The following HNRNPA1 variants were observed in gnomAD, a reference collection of about 807,000 sequenced individuals.
HNRNPA1 encodes the protein heterogeneous nuclear ribonucleoprotein A1.
In HNRNPA1, 7 loss-of-function variants were observed where a neutral mutation model predicts 44.4. The observed-to-expected ratio is 0.16, with a 90% CI of 0.09 to 0.30. The LOEUF is 0.30. Ranked by LOEUF, HNRNPA1 falls within the 10% of genes least tolerant of loss-of-function variation. The pLI is 1.00. For synonymous variants in HNRNPA1, 169 were observed against 160.6 expected, an observed-to-expected ratio of 1.05 and a Z score of -0.40; for missense variants, 193 against 465.8, an observed-to-expected ratio of 0.41 and a Z score of 5.39.
rs553245483 is a variant in HNRNPA1 at position 54,282,312 on chromosome 12, A to G, written c.490+12A>G. 6.2e-5 allele frequency: 100 copies of G among 1,613,626 alleles called. 1 individual carries two copies. In the South Asian group the frequency reaches 9.9e-4, roughly 16 times the overall value. On this transcript the variant is annotated intron_variant, in intron 4 of 10. Coordinates refer to ENST00000340913, the MANE Select transcript of HNRNPA1 (RefSeq NM_031157.4). ...GGATAAGATTGTCAGTAAGTATCAG[A>G]TAGTGGCATTTAGTAAGGGTTCCAC... is the stretch of plus-strand genomic sequence containing the variant.
At chr12:54,282,541 A>G in intron 5 of HNRNPA1, 32 bp from the exon 6 acceptor site, 1 of 1,610,804 alleles carries the variant, frequency 6.2e-7, no homozygotes, top group South Asian at 1.1e-5. Flanking sequence ...CTCCAGTATG[A>G]ATGATTTAAT....
chr12:54,282,767 G>C (rs1448352834), intron 6 of HNRNPA1, 33 bp from the exon 7 acceptor site: 22 of 1,569,368 alleles, frequency 1.4e-5, no homozygotes, highest in Admixed American at 1.9e-5. Flanking sequence ...TTAAGTCCAA[G>C]TCATACTTAA....
rs746642933 is a variant in HNRNPA1, at chr12:54,281,510, T to G, written c.132+8T>G. Reference sequence around the variant, plus strand: ...ACGCTCACGGACTGTGTGGTAAGATTTGGAAGGGACAAAGCAGTAAAACAG... The same window carrying G: ...ACGCTCACGGACTGTGTGGTAAGATGTGGAAGGGACAAAGCAGTAAAACAG... On this transcript the variant is annotated splice_region_variant and intron_variant, in intron 2 of 10. Transcript: ENST00000340913. The G allele has an allele frequency of 6.3e-7, 1 of 1,584,630 alleles. No individual in the cohort carries two copies. Among genetic ancestry groups the G allele is most frequent in the Non-Finnish European group, 8.7e-7 (1 of 1,155,798 alleles).
In HNRNPA1 at chr12:54,282,381, G is replaced by GTT. The variant is rs202119045; in HGVS notation, c.491-4_491-3dup. On this transcript the variant is annotated splice_polypyrimidine_tract_variant and intron_variant, in intron 4 of 10. Coordinates refer to ENST00000340913, the MANE Select transcript of HNRNPA1 (RefSeq NM_031157.4). Reference sequence around the variant, plus strand: ...AACCCTGATACCATGTTGTATCTATGTTTTTTTTTTAGTTCAGAAATACCA... The same window carrying GTT: ...AACCCTGATACCATGTTGTATCTATGTTTTTTTTTTTTAGTTCAGAAATACCA... 2.1e-6 allele frequency: 3 copies of GTT among 1,441,082 alleles called. No individual in the cohort carries two copies. Among genetic ancestry groups the GTT allele is most frequent in the Non-Finnish European group, 2.9e-6 (3 of 1,045,402 alleles). The allele number at this position is 1,441,082 out of a possible 1,614,324, so 89.3% of individuals were successfully genotyped here. A position where few individuals can be genotyped will look rare whatever the true frequency, so the allele number is the denominator to read the frequency against.
Position 54,280,829 on chromosome 12 carries a change from T to C in HNRNPA1, c.15+7T>C, listed in dbSNP as rs540688152. 1.7e-4 allele frequency: 271 copies of C among 1,614,190 alleles called. 4 individuals carry two copies. The South Asian group carries it at 2.5e-3, about 15-fold the overall frequency. On this transcript the variant is annotated splice_region_variant and intron_variant, in intron 1 of 10. Transcript: ENST00000340913. ...CGTCATGTCTAAGTCAGAGGTGAGTTAGGCGCGCTTTCCCACTTGAATTTT... is the reference window on the plus strand; with the variant it reads ...CGTCATGTCTAAGTCAGAGGTGAGTCAGGCGCGCTTTCCCACTTGAATTTT...
chr12:54,283,316 T>G (rs1944209037), intron 8 of HNRNPA1, 82 bp downstream of exon 8: 2 of 1,467,780 alleles, frequency 1.4e-6, no homozygotes, highest in Admixed American at 3.9e-5. Flanking sequence ...GTTGAAGCAT[T>G]GTGTGGTACA....
rs1944269011 is a variant in HNRNPA1 at position 54,286,760 on chromosome 12, A to G, written c.*2216A>G. ...AAGTTTTTACAAATTAGTGCTCAGC[A>G]AAAGAATGCCCTGCGTTCCCAAAGT... On this transcript the variant is annotated 3_prime_UTR_variant, in exon 11 of 11. Coordinates refer to ENST00000340913, the MANE Select transcript of HNRNPA1 (RefSeq NM_031157.4). 4 of 152,234 alleles carry G rather than the reference A, an allele frequency of 2.6e-5. No homozygotes were observed. In the South Asian group the frequency reaches 8.3e-4, roughly 31 times the overall value. The allele number at this position is 152,234 out of a possible 1,614,324, so 9.4% of individuals were successfully genotyped here. A position where few individuals can be genotyped will look rare whatever the true frequency, so the allele number is the denominator to read the frequency against.
At chr12:54,281,055 A>C (rs574115669) in intron 1 of HNRNPA1, 1 of 706,270 alleles carries the variant, frequency 1.4e-6, no homozygotes, top group South Asian at 1.5e-5. Flanking sequence ...CAAAATTCTT[A>C]GGCACACAGG....
At chr12:54,282,025 TTA>T in intron 3 of HNRNPA1, 63 bp from the exon 4 acceptor site, 5 of 1,599,164 alleles carry the variant, frequency 3.1e-6, no homozygotes, top group Non-Finnish European at 4.3e-6. Context: ...TTTTCTAAAC[TTA>T]CCAAAATTTT....
At position 54,281,519 on chromosome 12, in the gene HNRNPA1, A is replaced by G; in HGVS notation, c.132+17A>G. The G allele has an allele frequency of 1.3e-6, 2 of 1,556,942 alleles. No homozygotes were observed. Among genetic ancestry groups the G allele is most frequent in the Non-Finnish European group, 1.8e-6 (2 of 1,131,810 alleles). On this transcript the variant is annotated intron_variant, in intron 2 of 10. Coordinates refer to ENST00000340913, the MANE Select transcript of HNRNPA1 (RefSeq NM_031157.4). Reference sequence around the variant, plus strand: ...GACTGTGTGGTAAGATTTGGAAGGGACAAAGCAGTAAAACAGCCGATTTCC... The same window carrying G: ...GACTGTGTGGTAAGATTTGGAAGGGGCAAAGCAGTAAAACAGCCGATTTCC...
In HNRNPA1 at chr12:54,280,768, C is replaced by T. The variant is rs780305581; in HGVS notation, c.-40C>T. The T allele has an allele frequency of 4.3e-6, 7 of 1,613,918 alleles. No homozygotes were observed. Among genetic ancestry groups the T allele is most frequent in the South Asian group, 2.2e-5 (2 of 91,074 alleles). ...TGCTCCTTTCTGCCCGTGGACGCCG[C>T]CGAAGAAGCATCGTTAAAGTCTCTC... On this transcript the variant is annotated 5_prime_UTR_variant, in exon 1 of 11. Coordinates refer to ENST00000340913, the MANE Select transcript of HNRNPA1 (RefSeq NM_031157.4).
At chr12:54,284,134 C>A in intron 9 of HNRNPA1, 124 bp from the exon 10 acceptor site, 1 of 1,248,198 alleles carries the variant, frequency 8.0e-7, no homozygotes, top group Non-Finnish European at 1.1e-6. Flanking sequence ...ACCTCTTTAC[C>A]ACCTCCCTTG....
chr12:54,282,110 C>T lies in HNRNPA1; in HGVS notation c.300C>T (p.Ala100=), dbSNP rs554073873. ...ATTAGGATTCTCAAAGACCAGGTGCCCACTTAACTGTGAAAAAGATATTTG... is the reference window on the plus strand; with the variant it reads ...ATTAGGATTCTCAAAGACCAGGTGCTCACTTAACTGTGAAAAAGATATTTG... ...VSREDSQRPG[A]HLTVKKIFVG... Residue 100 remains alanine, a synonymous_variant, in exon 4 of 11, where the codon GCC becomes GCT. Coordinates refer to ENST00000340913, the MANE Select transcript of HNRNPA1 (RefSeq NM_031157.4). 20 of 1,609,818 alleles carry T rather than the reference C, an allele frequency of 1.2e-5. No homozygotes were observed. The highest frequency in any genetic ancestry group is 8.9e-5 in the East Asian group (4 of 44,858).
At chr12:54,282,745 C>T in intron 6 of HNRNPA1, 55 bp from the exon 7 acceptor site, 2 of 1,585,844 alleles carry the variant, frequency 1.3e-6, no homozygotes, top group Non-Finnish European at 1.7e-6. Context: ...GAACTGCATT[C>T]AGAATGTCAC....
rs1200778926 is a variant in HNRNPA1 at position 54,280,738 on chromosome 12, C to A, written c.-70C>A. On this transcript the variant is annotated 5_prime_UTR_variant, in exon 1 of 11. Coordinates refer to ENST00000340913, the MANE Select transcript of HNRNPA1 (RefSeq NM_031157.4). ...AAGGTAGGCTGGCAGATACGTTCGT[C>A]AGCTTGCTCCTTTCTGCCCGTGGAC... 7 of 1,586,840 alleles carry A rather than the reference C, an allele frequency of 4.4e-6. No individual in the cohort carries two copies. The Admixed American group carries it at 5.0e-5, about 11-fold the overall frequency.
In HNRNPA1 at chr12:54,284,728, A is replaced by G; in HGVS notation, c.*184A>G. ...AACTCGAGGACTGTATTTGTGACTA[A>G]TTGTATAACAGGTTATTTTAGTTTC... is the stretch of plus-strand genomic sequence containing the variant. On this transcript the variant is annotated 3_prime_UTR_variant, in exon 11 of 11. Coordinates refer to ENST00000340913, the MANE Select transcript of HNRNPA1 (RefSeq NM_031157.4). 1 of 430,824 alleles carries G rather than the reference A, an allele frequency of 2.3e-6. No individual in the cohort carries two copies. Among genetic ancestry groups the G allele is most frequent in the East Asian group, 6.2e-5 (1 of 16,036 alleles). 26.7% of individuals were successfully genotyped at this position (430,824 alleles called of 1,614,324 possible).
In HNRNPA1 at chr12:54,281,301, C is replaced by A. The variant is rs17110205; in HGVS notation, c.16-85C>A. The stretch of plus-strand genomic sequence containing the variant: ...GAACGAACAATAAGTGCTAGGTACA[C>A]AGTTGGTGTCTAGTTTTTCTTTTCC... On this transcript the variant is annotated intron_variant, in intron 1 of 10. Coordinates refer to ENST00000340913, the MANE Select transcript of HNRNPA1 (RefSeq NM_031157.4). 573 of 776,792 alleles carry A rather than the reference C, an allele frequency of 7.4e-4. 9 individuals carry two copies. The East Asian group carries it at 9.3e-3, about 13-fold the overall frequency. 48.1% of individuals were successfully genotyped at this position (776,792 alleles called of 1,614,324 possible). A position where few individuals can be genotyped will look rare whatever the true frequency, so the allele number is the denominator to read the frequency against.
chr12:54,281,715 C>T (rs1233355728), intron 2 of HNRNPA1, 80 bp from the exon 3 acceptor site: 58 of 1,413,852 alleles, frequency 4.1e-5, no homozygotes, highest in Non-Finnish European at 5.4e-5. Flanking sequence ...TGTAAAGTTT[C>T]CTATTGCCCT....
At chr12:54,281,301 C>T in intron 1 of HNRNPA1, 85 bp from the exon 2 acceptor site, 1 of 776,794 alleles carries the variant, frequency 1.3e-6, no homozygotes, top group Non-Finnish European at 2.3e-6. Context: ...GCTAGGTACA[C>T]AGTTGGTGTC....
Sources: gnomAD v4.1 joint callset for allele counts on GRCh38, gnomAD v4.1.1 for gene constraint, MANE v1.5 for transcripts, NCBI Gene and HGNC (gene_info 2026-07-23, HGNC 2026-07-21) for gene names.